M1AP: variants seen among roughly 807,000 people sequenced by gnomAD.
The protein encoded by M1AP is meiosis 1 arrest protein.
A neutral mutation model predicts 51.2 loss-of-function variants in M1AP; 39 were observed. The observed-to-expected ratio is 0.76, with a 90% confidence interval of 0.59 to 1.00. The LOEUF (loss-of-function observed/expected upper bound fraction) is 1.00. M1AP is among the 50% of genes least tolerant of loss of function. The pLI is 0.00. For synonymous variants in M1AP, 251 were observed against 249.2 expected (o/e 1.01, Z -0.07); for missense variants, 545 against 641.2 (o/e 0.85, Z 1.62).
intron 7 of M1AP, among the ~76,000 whole-genome samples, chr2:74,572,566 C>T (rs1678813388): frequency 6.6e-6 from 1 of 152,220 alleles, no homozygotes; most frequent in South Asian, 2.1e-4. Context: ...AGTGATCCTT[C>T]TGCCTTGGCC....
Position 74,615,435 on chromosome 2 carries a change from T to C in M1AP, c.241-286A>G, listed in dbSNP as rs3025976. 8.8e-3 allele frequency: 3,008 copies of C among 340,226 alleles called. 30 individuals are homozygous for C. Among genetic ancestry groups the C allele is most frequent in the African/African-American group, 0.028 (1,291 of 46,882 alleles). 21.1% of individuals were successfully genotyped at this position (340,226 alleles called of 1,614,324 possible). A position where few individuals can be genotyped will look rare whatever the true frequency, so the allele number is the denominator to read the frequency against. On this transcript the variant is annotated intron_variant, in intron 2 of 10. Coordinates refer to ENST00000421985, the MANE Select transcript of M1AP (RefSeq NM_001321739.2). ...TTCACTCACACAAAGGGAAATCCAGTTGTGTGACTGCTTAGTTTTACTTTG... is the reference window on the plus strand; with the variant it reads ...TTCACTCACACAAAGGGAAATCCAGCTGTGTGACTGCTTAGTTTTACTTTG...
chr2:74,602,354 C>A (rs1349261330), intron 4 of M1AP, among the ~76,000 whole-genome samples: 2 of 151,974 alleles, frequency 1.3e-5, no homozygotes, highest in East Asian at 1.9e-4. Context: ...TGAGACCTGG[C>A]CATTAAAAAC....
intron 2 of M1AP, 123 bp downstream of exon 2, chr2:74,639,913 C>A: frequency 1.2e-6 from 1 of 833,966 alleles, no homozygotes; most frequent in Admixed American, 2.2e-5. Context: ...TACTCGGGGG[C>A]TACTGTGTGT....
chr2:74,570,790 T>A (rs1016859429), intron 7 of M1AP, among the ~76,000 whole-genome samples: 3 of 152,186 alleles, frequency 2.0e-5, no homozygotes, highest in Non-Finnish European at 4.4e-5. Flanking sequence ...CTAAGGAATA[T>A]GGACTTTATG....
At chr2:74,613,192 T>G (rs965536748) in intron 3 of M1AP, among the ~76,000 whole-genome samples, 4 of 152,264 alleles carry the variant, frequency 2.6e-5, no homozygotes, top group Non-Finnish European at 4.4e-5. Flanking sequence ...TCATTCCGTC[T>G]GCTTTATCCA....
At chr2:74,603,721 G>A (rs1172145249) in intron 4 of M1AP, among the ~76,000 whole-genome samples, 3 of 152,150 alleles carry the variant, frequency 2.0e-5, no homozygotes, top group African/African-American at 7.2e-5. Flanking sequence ...GGCTAAGGCT[G>A]GTTGCCTTCC....
chr2:74,558,901 T>C, intron 10 of M1AP, 27 bp from the exon 11 acceptor site: 3 of 1,561,882 alleles, frequency 1.9e-6, no homozygotes, highest in Non-Finnish European at 2.6e-6. Flanking sequence ...CAGAGCCTTC[T>C]CTGAAGATCA....
intron 3 of M1AP, among the ~76,000 whole-genome samples, chr2:74,608,666 C>T (rs1681153885): frequency 1.3e-5 from 2 of 152,216 alleles, no homozygotes; most frequent in Non-Finnish European, 1.5e-5. Flanking sequence ...ATCAAACTAT[C>T]TTTCAAAGTG....
At chr2:74,574,172 A>G (rs1290253100) in intron 7 of M1AP, among the ~76,000 whole-genome samples, 1 of 152,206 alleles carries the variant, frequency 6.6e-6, no homozygotes, top group Non-Finnish European at 1.5e-5. Flanking sequence ...CATCCTACTA[A>G]GTCAAACCTT....
chr2:74,600,317 G>A (rs765920258), intron 4 of M1AP, among the ~76,000 whole-genome samples: 10 of 152,138 alleles, frequency 6.6e-5, no homozygotes, highest in East Asian at 1.9e-4. Flanking sequence ...AAATGTTGCC[G>A]TAATTATGAC....
intron 7 of M1AP, among the ~76,000 whole-genome samples, chr2:74,563,129 C>T (rs1398155352): frequency 6.6e-6 from 1 of 152,028 alleles, no homozygotes; most frequent in Non-Finnish European, 1.5e-5. Flanking sequence ...ATCTGTAATC[C>T]CAGCACTTTG....
chr2:74,639,963 G>A, intron 2 of M1AP, 73 bp downstream of exon 2: 2 of 1,302,744 alleles, frequency 1.5e-6, no homozygotes, highest in South Asian at 2.6e-5. Flanking sequence ...ATTAATAACT[G>A]TGATCTCTAT....
At position 74,562,180 on chromosome 2, in the gene M1AP, T is replaced by G. The variant is rs752189876; in HGVS notation, c.1281+37A>C. The stretch of plus-strand genomic sequence containing the variant: ...CATCCCTTTCTCAAACTCCATTCGC[T>G]TCTAGATCTGTCCCATGAGATCTGG... On this transcript the variant is annotated intron_variant, in intron 8 of 10. Transcript: ENST00000421985. The G allele has an allele frequency of 4.4e-6, 7 of 1,575,364 alleles. No individual in the cohort carries two copies. The African/African-American group carries it at 8.1e-5, about 18-fold the overall frequency.
At chr2:74,577,693 C>G (rs935744543) in intron 5 of M1AP, among the ~76,000 whole-genome samples, 7 of 152,156 alleles carry the variant, frequency 4.6e-5, no homozygotes, top group Non-Finnish European at 7.4e-5. Flanking sequence ...GGTGAGACGG[C>G]CCTCAGCCTG....
intron 7 of M1AP, among the ~76,000 whole-genome samples, 182 bp from the exon 8 acceptor site, chr2:74,562,605 C>T (rs1395984358): frequency 6.6e-6 from 1 of 152,172 alleles, no homozygotes; most frequent in Non-Finnish European, 1.5e-5. Flanking sequence ...TACTACTCTT[C>T]CTCCCTGGTT....
At chr2:74,574,556 C>G (rs1339353845) in intron 7 of M1AP, among the ~76,000 whole-genome samples, 6 of 152,196 alleles carry the variant, frequency 3.9e-5, no homozygotes, top group Admixed American at 3.9e-4. Context: ...TTTCATGTTT[C>G]CATTTTTGCT....
intron 8 of M1AP, among the ~76,000 whole-genome samples, chr2:74,560,624 G>A (rs906964007): frequency 6.6e-6 from 1 of 152,202 alleles, no homozygotes; most frequent in African/African-American, 2.4e-5. Context: ...GAGGGAGGGT[G>A]TGTCAGTGGG....
Position 74,607,185 on chromosome 2 carries a change from G to C in M1AP, c.465C>G (p.Val155=). 6.2e-7 allele frequency: 1 copy of C among 1,614,048 alleles called. No homozygotes were observed. Among genetic ancestry groups the C allele is most frequent in the Non-Finnish European group, 8.5e-7 (1 of 1,179,978 alleles). ...CTTTCAACCCTTCCTCCAACTGTTT[G>C]ACCACCTCTTTTCCAGGCTGAGAAG... ...ILTSQPGKEV[V]KQLEEGLKDT... The change falls in exon 4 of 11, where the codon GTC becomes GTG. Residue 155 remains valine, a synonymous_variant. Coordinates refer to ENST00000421985, the MANE Select transcript of M1AP (RefSeq NM_001321739.2).
At chr2:74,617,551 G>T (rs997903383) in intron 2 of M1AP, among the ~76,000 whole-genome samples, 2 of 152,082 alleles carry the variant, frequency 1.3e-5, no homozygotes, top group Non-Finnish European at 2.9e-5. Flanking sequence ...AGGAGGGAGA[G>T]GATCAGAAAA....
Sources: allele counts gnomAD v4.1 joint callset (sites outside exome capture counted in the v4.1 genomes callset), GRCh38; gene constraint gnomAD v4.1.1; transcripts MANE v1.5; gene names NCBI Gene and HGNC (gene_info 2026-07-23, HGNC 2026-07-21).